DAP: variants seen among roughly 807,000 people sequenced by gnomAD.
DAP encodes the protein death-associated protein 1.
Under a neutral mutation model 13.8 loss-of-function variants are expected in DAP, and 8 were observed. The ratio of observed to expected loss-of-function variants is 0.58; its 90% CI spans 0.34 to 1.05. The LOEUF is 1.05. Among genes scored for constraint, DAP ranks in the 50% least tolerant of loss-of-function variants. The pLI is 0.03. For missense variants in DAP, 106 were observed against 133.2 expected (o/e 0.80, Z 1.01); for synonymous variants, 47 against 47.5 (o/e 0.99, Z 0.04).
intron 3 of DAP, chr5:10,683,063 G>C (rs1163805036): frequency 4.4e-6 from 1 of 228,024 alleles, no homozygotes; most frequent in African/African-American, 2.4e-5. Context: ...GCCAGGGTGG[G>C]GTCCACATGG....
chr5:10,741,593 A>C (rs796353614), intron 2 of DAP, among the ~76,000 whole-genome samples: 1 of 152,226 alleles, frequency 6.6e-6, no homozygotes. Context: ...GTAGTAGACT[A>C]GTTTCTGAAG....
At chr5:10,727,837 T>C (rs1466702485) in intron 2 of DAP, among the ~76,000 whole-genome samples, 1 of 152,230 alleles carries the variant, frequency 6.6e-6, no homozygotes, top group African/African-American at 2.4e-5. Context: ...TAAAATAGTG[T>C]AGTATGTGCA....
chr5:10,690,131 A>G (rs1738270713), intron 2 of DAP, among the ~76,000 whole-genome samples: 1 of 152,144 alleles, frequency 6.6e-6, no homozygotes, highest in African/African-American at 2.4e-5. Flanking sequence ...ACAATATTCA[A>G]GAATTGTGTT....
chr5:10,722,649 T>C (rs914167033), intron 2 of DAP, among the ~76,000 whole-genome samples: 1 of 150,866 alleles, frequency 6.6e-6, no homozygotes, highest in Non-Finnish European at 1.5e-5. Context: ...TATATATATA[T>C]GTTCACGACT....
At chr5:10,741,920 A>G (rs555168384) in intron 2 of DAP, among the ~76,000 whole-genome samples, 2 of 152,342 alleles carry the variant, frequency 1.3e-5, no homozygotes, top group South Asian at 2.1e-4. Flanking sequence ...CACGGTAAAG[A>G]CACTCTTTTC....
intron 2 of DAP, among the ~76,000 whole-genome samples, chr5:10,744,578 T>C (rs1227883343): frequency 6.6e-6 from 1 of 152,172 alleles, no homozygotes; most frequent in Non-Finnish European, 1.5e-5. Flanking sequence ...GATTGCAATC[T>C]ATGTGGATCC....
chr5:10,680,435 T>C lies in DAP; in HGVS notation c.*621A>G, dbSNP rs9857. ...GCTACCTGTCTCCAGCCTCATTCTT[T>C]GGCATGTTGACTCCTGGAATTGAGG... On this transcript the variant is annotated 3_prime_UTR_variant, in exon 4 of 4. Coordinates refer to ENST00000230895, the MANE Select transcript of DAP (RefSeq NM_004394.3). The C allele has an allele frequency of 0.29, 120,463 of 418,666 alleles. 18,649 individuals are homozygous for C. The highest frequency in any genetic ancestry group is 0.43 in the East Asian group (9,416 of 22,114). 25.9% of individuals were successfully genotyped at this position (418,666 alleles called of 1,614,324 possible).
chr5:10,753,703 C>T (rs1357091721), intron 1 of DAP, among the ~76,000 whole-genome samples: 1 of 152,194 alleles, frequency 6.6e-6, no homozygotes, highest in East Asian at 1.9e-4. Context: ...GGAAGAGTTC[C>T]ATGAACCAGG....
chr5:10,689,325 TGGAGACCCTGGGGGCTAAA>T (rs1313958942), intron 2 of DAP, among the ~76,000 whole-genome samples: 11 of 152,182 alleles, frequency 7.2e-5, no homozygotes, highest in African/African-American at 2.4e-4. Flanking sequence ...TGAATGGCCA[TGGAGACCCTGGGGGCTAAA>T]GGAGACCCCC....
chr5:10,757,009 A>T (rs1428422631), intron 1 of DAP, among the ~76,000 whole-genome samples: 1 of 152,260 alleles, frequency 6.6e-6, no homozygotes, highest in Non-Finnish European at 1.5e-5. Context: ...AGGACTGCAG[A>T]CGACAGCACA....
chr5:10,683,159 C>T, intron 3 of DAP: 1 of 303,386 alleles, frequency 3.3e-6, no homozygotes, highest in South Asian at 3.1e-5. Flanking sequence ...CCAACACTGG[C>T]ACTTTCTTCA....
At chr5:10,695,684 C>T (rs1738422682) in intron 2 of DAP, among the ~76,000 whole-genome samples, 1 of 152,152 alleles carries the variant, frequency 6.6e-6, no homozygotes, top group Non-Finnish European at 1.5e-5. Context: ...CTACTGCTTC[C>T]AGGACACTGT....
At chr5:10,737,444 C>CCA (rs1739643468) in intron 2 of DAP, among the ~76,000 whole-genome samples, 1 of 152,086 alleles carries the variant, frequency 6.6e-6, no homozygotes, top group Non-Finnish European at 1.5e-5. Context: ...ACTGAAATCT[C>CCA]CACACACATG....
At chr5:10,734,148 C>T (rs1207731224) in intron 2 of DAP, 1 of 152,210 alleles carries the variant, frequency 6.6e-6, no homozygotes, top group Non-Finnish European at 1.5e-5. Flanking sequence ...TGCAGACACA[C>T]AGAGCAGAGC....
At chr5:10,758,716 CGTGAA>C (rs917276508) in intron 1 of DAP, among the ~76,000 whole-genome samples, 1 of 152,184 alleles carries the variant, frequency 6.6e-6, no homozygotes, top group African/African-American at 2.4e-5. Context: ...CCCAGTGAAG[CGTGAA>C]GTGATGTCTT....
At chr5:10,740,845 G>A (rs753778734) in intron 2 of DAP, among the ~76,000 whole-genome samples, 1 of 152,190 alleles carries the variant, frequency 6.6e-6, no homozygotes, top group Non-Finnish European at 1.5e-5. Context: ...ACACCAGACA[G>A]AATGAACATT....
chr5:10,701,343 G>A (rs1561012503), intron 2 of DAP, among the ~76,000 whole-genome samples: 6 of 152,166 alleles, frequency 3.9e-5, no homozygotes, highest in Admixed American at 3.9e-4. Context: ...TCAAAGAGGA[G>A]TTCTTTTCAA....
chr5:10,694,638 T>C (rs1426822105), intron 2 of DAP, among the ~76,000 whole-genome samples: 1 of 152,146 alleles, frequency 6.6e-6, no homozygotes, highest in Non-Finnish European at 1.5e-5. Flanking sequence ...TGATGAAAGG[T>C]AGTCACAGTG....
chr5:10,724,579 A>G (rs925900483), intron 2 of DAP, among the ~76,000 whole-genome samples: 2 of 152,126 alleles, frequency 1.3e-5, no homozygotes, highest in African/African-American at 4.8e-5. Context: ...TGCTTTACAC[A>G]CATTTCAGGT....
Sources: gnomAD v4.1 joint callset for allele counts (sites outside exome capture counted in the v4.1 genomes callset) on GRCh38, gnomAD v4.1.1 for gene constraint, MANE v1.5 for transcripts, NCBI Gene and HGNC (gene_info 2026-07-23, HGNC 2026-07-21) for gene names.